NFX1: variants seen among roughly 807,000 people sequenced by gnomAD.
The protein encoded by NFX1 is transcriptional repressor NF-X1.
Under a neutral mutation model 137.2 loss-of-function variants are expected in NFX1, and 69 were observed. The observed-to-expected ratio is 0.50, with a 90% CI of 0.41 to 0.61. The LOEUF (loss-of-function observed/expected upper bound fraction) is 0.61, where lower values mean the gene tolerates loss of function less well. Among genes scored for constraint, NFX1 ranks in the 20% least tolerant of loss-of-function variants. The pLI is 0.00. For synonymous variants in NFX1, 495 were observed against 474.1 expected (o/e 1.04, Z -0.57); for missense variants, 1,167 against 1,391.0 (o/e 0.84, Z 2.56).
intron 13 of NFX1, 40 bp from the exon 14 acceptor site, chr9:33,344,029 C>T (rs1234227793): frequency 6.2e-7 from 1 of 1,612,674 alleles, no homozygotes; most frequent in African/African-American, 1.3e-5. Flanking sequence ...ACATCCCAAA[C>T]TCAGAAAGGA....
At chr9:33,321,766 C>T (rs902877221) in intron 9 of NFX1, among the ~76,000 whole-genome samples, 2 of 151,752 alleles carry the variant, frequency 1.3e-5, no homozygotes, top group Non-Finnish European at 2.9e-5. Flanking sequence ...GTGGTCCCAG[C>T]TACTTGGGAG....
intron 7 of NFX1, among the ~76,000 whole-genome samples, chr9:33,318,489 A>G (rs536955112): frequency 6.6e-6 from 1 of 152,316 alleles, no homozygotes; most frequent in East Asian, 1.9e-4. Flanking sequence ...TGAGATATTA[A>G]TAGTTTAACA....
chr9:33,331,905 G>A (rs1342872770), intron 10 of NFX1, among the ~76,000 whole-genome samples: 1 of 152,096 alleles, frequency 6.6e-6, no homozygotes, highest in Non-Finnish European at 1.5e-5. Flanking sequence ...TCATGCCTTA[G>A]CAAAATTACG....
At position 33,348,707 on chromosome 9, in the gene NFX1, A is replaced by G. The variant is rs935579562; in HGVS notation, c.2424+1590A>G. The G allele has an allele frequency of 5.1e-6, 5 of 971,228 alleles. No homozygotes were observed. In the African/African-American group the frequency reaches 7.0e-5, roughly 14 times the overall value. The allele number at this position is 971,228 out of a possible 1,614,324, so 60.2% of individuals were successfully genotyped here. ...AAATGTGATATCTATGAAATGCAAT[A>G]AAGTGAAGTCCAATAAGAAATGCAT... is the stretch of plus-strand genomic sequence containing the variant. On this transcript the variant is annotated intron_variant, in intron 15 of 23. Transcript: ENST00000379540.
rs371211163 is a variant in NFX1 at position 33,366,791 on chromosome 9, G to A, written c.3185+17G>A. 205 of 1,610,332 alleles carry A rather than the reference G, an allele frequency of 1.3e-4. No homozygotes were observed. Among genetic ancestry groups the A allele is most frequent in the African/African-American group, 1.1e-3 (86 of 74,986 alleles). The stretch of plus-strand genomic sequence containing the variant: ...TGCCATCAGGTAGGTCAATCCCGCC[G>A]TCAGAGGAAGAACTCCTAAGCAGGG... On this transcript the variant is annotated intron_variant, in intron 22 of 23. Transcript: ENST00000379540.
At chr9:33,366,379 C>G (rs1476916125) in intron 21 of NFX1, among the ~76,000 whole-genome samples, 1 of 152,156 alleles carries the variant, frequency 6.6e-6, no homozygotes, top group Non-Finnish European at 1.5e-5. Context: ...AGTCGCAGTT[C>G]ACTTACCCTT....
chr9:33,349,651 G>A (rs921837187), intron 15 of NFX1, among the ~76,000 whole-genome samples: 1 of 151,952 alleles, frequency 6.6e-6, no homozygotes, highest in Admixed American at 6.6e-5. Flanking sequence ...TGGTGAGGAA[G>A]CGTGGAAACA....
chr9:33,328,176 A>G (rs779772284), intron 9 of NFX1, among the ~76,000 whole-genome samples: 12 of 150,420 alleles, frequency 8.0e-5, no homozygotes, highest in Non-Finnish European at 1.6e-4. Context: ...ACTCCTGGCT[A>G]ATTTCTTGTT....
intron 3 of NFX1, 43 bp downstream of exon 3, chr9:33,301,464 G>C (rs991445638): frequency 1.9e-6 from 3 of 1,590,304 alleles, no homozygotes; most frequent in Non-Finnish European, 2.6e-6. Flanking sequence ...TCCCCTATTT[G>C]ATACGTTTAA....
chr9:33,369,982 G>A lies in NFX1; in HGVS notation c.*4G>A, dbSNP rs766874196. 6.2e-7 allele frequency: 1 copy of A among 1,605,854 alleles called. No individual in the cohort carries two copies. The highest frequency in any genetic ancestry group is 8.5e-7 in the Non-Finnish European group (1 of 1,173,128). ...CTATTTTGACGTCCAGGACTAAGAA[G>A]ATCATGATGCACTTAGATAAAAGAA... On this transcript the variant is annotated 3_prime_UTR_variant, in exon 24 of 24. Coordinates refer to ENST00000379540, the MANE Select transcript of NFX1 (RefSeq NM_002504.6).
intron 12 of NFX1, among the ~76,000 whole-genome samples, chr9:33,341,800 G>A (rs892910951): frequency 4.0e-5 from 6 of 150,464 alleles, no homozygotes; most frequent in South Asian, 2.1e-4. Flanking sequence ...TTCATAACCC[G>A]GTCTCTAAAT....
intron 10 of NFX1, 65 bp from the exon 11 acceptor site, chr9:33,332,407 A>G: frequency 7.0e-7 from 1 of 1,433,152 alleles, no homozygotes; most frequent in African/African-American, 1.4e-5. Context: ...CTATGGCATT[A>G]TATTATAGTT....
chr9:33,303,213 C>T lies in NFX1; in HGVS notation c.1215C>T (p.Cys405=), dbSNP rs780462813. The part of the protein sequence containing the change: ...SQADGQSGWR[C]PACQNVSAHV... Reference sequence around the variant, plus strand: ...CAGATGGCCAGAGTGGTTGGAGGTGCCCTGCCTGTCAGAATGTTTCTGCAC... The same window carrying T: ...CAGATGGCCAGAGTGGTTGGAGGTGTCCTGCCTGTCAGAATGTTTCTGCAC... Residue 405 remains cysteine, a synonymous_variant, in exon 4 of 24, where the codon TGC becomes TGT. Transcript: ENST00000379540. 13 of 1,613,910 alleles carry T rather than the reference C, an allele frequency of 8.1e-6. No individual in the cohort carries two copies. In the African/African-American group the frequency reaches 1.3e-4, roughly 17 times the overall value.
Position 33,367,630 on chromosome 9 carries a change from C to G in NFX1, c.3290+11C>G, listed in dbSNP as rs1824208795. 2 of 1,612,296 alleles carry G rather than the reference C, an allele frequency of 1.2e-6. No individual in the cohort carries two copies. The highest frequency in any genetic ancestry group is 1.7e-6 in the Non-Finnish European group (2 of 1,178,774). Reference sequence around the variant, plus strand: ...ACATCAGTCAGACAAGTAAGATTCTCCAGCTGCTTTCCAAGGGGACCTGTC... The same window carrying G: ...ACATCAGTCAGACAAGTAAGATTCTGCAGCTGCTTTCCAAGGGGACCTGTC... On this transcript the variant is annotated intron_variant, in intron 23 of 23. Coordinates refer to ENST00000379540, the MANE Select transcript of NFX1 (RefSeq NM_002504.6).
chr9:33,306,107 T>C (rs1456693362), intron 4 of NFX1, among the ~76,000 whole-genome samples: 1 of 152,134 alleles, frequency 6.6e-6, no homozygotes, highest in Non-Finnish European at 1.5e-5. Flanking sequence ...GGGAGGCTTT[T>C]GTGATAGTCT....
chr9:33,310,040 A>C (rs761835654), intron 5 of NFX1, among the ~76,000 whole-genome samples: 1 of 152,200 alleles, frequency 6.6e-6, no homozygotes, highest in Non-Finnish European at 1.5e-5. Context: ...ACATGCTTAA[A>C]CTTATGTCTC....
In NFX1 at chr9:33,310,227, T is replaced by A. The variant is rs188655768; in HGVS notation, c.1377-879T>A. 2.6e-5 allele frequency among the ~76,000 whole-genome samples: 4 copies of A among 152,346 alleles called. No homozygotes were observed. The East Asian group carries it at 5.8e-4, about 22-fold the overall frequency. ...CACACTAATGTTTTACAGCAAATTC[T>A]GTTACCCATCTGATTAATTAGTCTT... is the stretch of plus-strand genomic sequence containing the variant. On this transcript the variant is annotated intron_variant, in intron 5 of 23. Coordinates refer to ENST00000379540, the MANE Select transcript of NFX1 (RefSeq NM_002504.6).
At chr9:33,360,345 A>G (rs1823948616) in intron 19 of NFX1, among the ~76,000 whole-genome samples, 1 of 152,242 alleles carries the variant, frequency 6.6e-6, no homozygotes. Context: ...AAATGATGAC[A>G]ATAACAGTAT....
chr9:33,295,599 C>T (rs368642720), intron 2 of NFX1, among the ~76,000 whole-genome samples, 172 bp downstream of exon 2: 5 of 152,282 alleles, frequency 3.3e-5, no homozygotes, highest in African/African-American at 1.2e-4. Flanking sequence ...GCTCCCTGCC[C>T]CAATAGGTAA....
Sources: allele counts gnomAD v4.1 joint callset (sites outside exome capture counted in the v4.1 genomes callset), GRCh38; gene constraint gnomAD v4.1.1; transcripts MANE v1.5; gene names NCBI Gene and HGNC (gene_info 2026-07-23, HGNC 2026-07-21).